The following BCL2L13 variants were observed in gnomAD, a reference collection of about 807,000 sequenced individuals.
BCL2L13 encodes bcl-2-like protein 13.
In BCL2L13, 13 loss-of-function variants were observed where a neutral mutation model predicts 25.8. The observed-to-expected ratio is 0.50, with a 90% confidence interval of 0.33 to 0.80. The LOEUF (loss-of-function observed/expected upper bound fraction) is 0.80, where lower values mean the gene tolerates loss of function less well. Ranked by LOEUF, BCL2L13 falls within the 30% of genes least tolerant of loss-of-function variation. BCL2L13 has a pLI of 0.02. For synonymous variants in BCL2L13, 244 were observed against 230.3 expected (o/e 1.06, Z -0.54); for missense variants, 504 against 574.9 (o/e 0.88, Z 1.26).
intron 6 of BCL2L13, among the ~76,000 whole-genome samples, chr22:17,705,928 T>C (rs762289218): frequency 3.9e-5 from 6 of 152,206 alleles, no homozygotes; most frequent in Non-Finnish European, 5.9e-5. Context: ...TGGAGTGATA[T>C]AGCACATAGT....
Position 17,639,116 on chromosome 22 carries a change from G to A in BCL2L13, c.-51+230G>A, listed in dbSNP as rs5992085. ...GGCCGCGCGGCCCCGCCGCTGAGCA[G>A]GCTTCTTCCGGCGTGGGGTGCCGGA... On this transcript the variant is annotated intron_variant, in intron 1 of 6. Coordinates refer to ENST00000317582, the MANE Select transcript of BCL2L13 (RefSeq NM_015367.4). Among the ~76,000 whole-genome samples the A allele has an allele frequency of 1.4e-3, 207 of 152,348 alleles. 1 individual carries two copies. The highest frequency in any genetic ancestry group is 4.4e-3 in the African/African-American group (183 of 41,592).
At chr22:17,720,876 A>G (rs1438269584) in intron 6 of BCL2L13, among the ~76,000 whole-genome samples, 3 of 151,926 alleles carry the variant, frequency 2.0e-5, no homozygotes, top group Admixed American at 2.0e-4. Flanking sequence ...TTAAAAATTG[A>G]TAATAACAGG....
chr22:17,682,786 C>G (rs1332556085), intron 2 of BCL2L13, among the ~76,000 whole-genome samples: 2 of 152,142 alleles, frequency 1.3e-5, no homozygotes, highest in Non-Finnish European at 2.9e-5. Flanking sequence ...AGGATTTCCT[C>G]CCGTCCCTAA....
intron 1 of BCL2L13, among the ~76,000 whole-genome samples, chr22:17,647,192 T>C (rs1186548212): frequency 6.6e-6 from 1 of 151,680 alleles, no homozygotes; most frequent in East Asian, 1.9e-4. Flanking sequence ...GCCAGGCTGG[T>C]TTCGATCTCC....
chr22:17,663,147 A>AAAGTGCTG (rs2059126520), intron 2 of BCL2L13, among the ~76,000 whole-genome samples: 1 of 152,176 alleles, frequency 6.6e-6, no homozygotes, highest in African/African-American at 2.4e-5. Context: ...CTGGGATTAC[A>AAAGTGCTG]GGCGTGAGGT....
At chr22:17,671,444 G>A (rs1203322849) in intron 2 of BCL2L13, among the ~76,000 whole-genome samples, 1 of 149,042 alleles carries the variant, frequency 6.7e-6, no homozygotes, top group Non-Finnish European at 1.5e-5. Context: ...GCGGGCGCCT[G>A]TAGTCCCAGC....
At chr22:17,652,847 G>A (rs547493018) in intron 1 of BCL2L13, among the ~76,000 whole-genome samples, 6 of 152,234 alleles carry the variant, frequency 3.9e-5, no homozygotes, top group African/African-American at 7.2e-5. Context: ...GGTGAATCAC[G>A]AGGTCAGGAG....
At chr22:17,670,373 C>CTTTTTT (rs370701152) in intron 2 of BCL2L13, among the ~76,000 whole-genome samples, 1 of 128,914 alleles carries the variant, frequency 7.8e-6, no homozygotes, top group African/African-American at 2.9e-5. Flanking sequence ...CTCAAATCAG[C>CTTTTTT]TTTTTTTTTT....
intron 6 of BCL2L13, among the ~76,000 whole-genome samples, chr22:17,708,949 G>T (rs996874185): frequency 6.6e-6 from 1 of 152,134 alleles, no homozygotes; most frequent in Non-Finnish European, 1.5e-5. Flanking sequence ...TATTAAGAGA[G>T]GCTCGGCCGA....
chr22:17,724,964 G>C (rs9989950), intron 6 of BCL2L13, among the ~76,000 whole-genome samples: 2,888 of 152,296 alleles, frequency 0.019, 83 homozygotes, highest in African/African-American at 0.066. Context: ...CAGCTGCCTA[G>C]TAAATTCTGT....
chr22:17,711,499 A>G (rs555793031), intron 6 of BCL2L13, among the ~76,000 whole-genome samples: 2 of 151,904 alleles, frequency 1.3e-5, no homozygotes, highest in South Asian at 4.2e-4. Context: ...CAATTTTGCC[A>G]TGCTGCCCAG....
intron 1 of BCL2L13, among the ~76,000 whole-genome samples, chr22:17,648,130 A>G (rs897868786): frequency 2.0e-5 from 3 of 152,086 alleles, no homozygotes; most frequent in African/African-American, 7.2e-5. Flanking sequence ...CAAAAAAAAA[A>G]AAAGAAATGC....
intron 1 of BCL2L13, among the ~76,000 whole-genome samples, chr22:17,631,105 A>AT (rs3044580): frequency 0.021 from 2,956 of 143,220 alleles, 80 homozygotes; most frequent in African/African-American, 0.064. Flanking sequence ...AAATCACTCA[A>AT]TTTTTTTTTT....
chr22:17,719,523 A>G (rs2061042256), intron 6 of BCL2L13, among the ~76,000 whole-genome samples: 1 of 152,166 alleles, frequency 6.6e-6, no homozygotes, highest in South Asian at 2.1e-4. Context: ...TCACCAGCTA[A>G]TTAATAAGTA....
intron 2 of BCL2L13, among the ~76,000 whole-genome samples, chr22:17,671,528 T>C (rs188332006): frequency 3.6e-4 from 54 of 149,978 alleles, no homozygotes; most frequent in African/African-American, 1.2e-3. Context: ...GATCGCGCCA[T>C]GCACTCCATT....
chr22:17,630,722 C>T (rs2146334799), intron 1 of BCL2L13, among the ~76,000 whole-genome samples: 1 of 151,660 alleles, frequency 6.6e-6, no homozygotes, highest in East Asian at 1.9e-4. Context: ...TCCCCAGTAG[C>T]TGAGATTACA....
chr22:17,698,169 G>T (rs1428435180), intron 5 of BCL2L13, among the ~76,000 whole-genome samples: 2 of 151,516 alleles, frequency 1.3e-5, no homozygotes, highest in Non-Finnish European at 2.9e-5. Context: ...GGAGTGCATT[G>T]GTGCAATCTC....
At chr22:17,646,654 T>C (rs2058482556) in intron 1 of BCL2L13, among the ~76,000 whole-genome samples, 1 of 150,172 alleles carries the variant, frequency 6.7e-6, no homozygotes, top group Non-Finnish European at 1.5e-5. Context: ...TAGATAAAAT[T>C]CAATGAGTAA....
intron 2 of BCL2L13, among the ~76,000 whole-genome samples, chr22:17,658,463 C>T (rs911737553): frequency 2.0e-5 from 3 of 151,826 alleles, no homozygotes; most frequent in Non-Finnish European, 4.4e-5. Context: ...GAAGCCAAGG[C>T]GGGCGGATCG....
Sources: allele counts gnomAD v4.1 joint callset (sites outside exome capture counted in the v4.1 genomes callset), GRCh38; gene constraint gnomAD v4.1.1; transcripts MANE v1.5; gene names NCBI Gene and HGNC (gene_info 2026-07-23, HGNC 2026-07-21).